The following SV2C variants were observed in gnomAD, a reference collection of about 807,000 sequenced individuals.
SV2C encodes the protein solute carrier family 22 member B3.
Under a neutral mutation model 79.7 loss-of-function variants are expected in SV2C, and 49 were observed. The ratio of observed to expected loss-of-function variants is 0.61; its 90% CI spans 0.49 to 0.78. SV2C has a LOEUF of 0.78. Among genes scored for constraint, SV2C ranks in the 30% least tolerant of loss-of-function variants. The pLI is 0.00. For synonymous variants in SV2C, 334 were observed against 333.2 expected (o/e 1.00, Z -0.03); for missense variants, 833 against 912.9 (o/e 0.91, Z 1.13).
At chr5:75,892,485 G>T in the SV2C span, among the ~76,000 whole-genome samples, 1 of 151,714 alleles carries the variant, frequency 6.6e-6, no homozygotes, top group African/African-American at 2.4e-5. Flanking sequence ...TTGTTACATG[G>T]GTATATTGCA....
At chr5:76,349,437 G>A (rs760951032) in intron 12 of SV2C, among the ~76,000 whole-genome samples, 6 of 151,516 alleles carry the variant, frequency 4.0e-5, no homozygotes, top group Non-Finnish European at 8.8e-5. Context: ...ACTTGAACCC[G>A]GGATGGGGAG....
chr5:76,215,457 C>T (rs1286981114), intron 4 of SV2C, among the ~76,000 whole-genome samples: 1 of 152,202 alleles, frequency 6.6e-6, no homozygotes, highest in African/African-American at 2.4e-5. Flanking sequence ...GTAACTTTGA[C>T]ATCTAGATAT....
chr5:75,988,080 A>G, the SV2C span, among the ~76,000 whole-genome samples: 2 of 152,038 alleles, frequency 1.3e-5, no homozygotes, highest in African/African-American at 4.8e-5. Flanking sequence ...GGTTATTTTC[A>G]TCCTCCCAGA....
chr5:76,109,314 ATG>A (rs1178361887), intron 1 of SV2C, among the ~76,000 whole-genome samples: 1 of 152,190 alleles, frequency 6.6e-6, no homozygotes, highest in African/African-American at 2.4e-5. Flanking sequence ...GCCATTTACT[ATG>A]TCCAATGAAC....
intron 4 of SV2C, among the ~76,000 whole-genome samples, chr5:76,271,125 A>G (rs1746838643): frequency 1.3e-5 from 2 of 152,036 alleles, no homozygotes; most frequent in Non-Finnish European, 2.9e-5. Context: ...GTCAAAAGGG[A>G]AAAAAAAGAA....
chr5:76,097,921 T>A (rs1747620388), intron 1 of SV2C, among the ~76,000 whole-genome samples: 1 of 152,026 alleles, frequency 6.6e-6, no homozygotes, highest in Non-Finnish European at 1.5e-5. Flanking sequence ...AGATGGGTGA[T>A]CTGGAGAAAA....
chr5:75,897,950 A>G, the SV2C span, among the ~76,000 whole-genome samples: 1 of 151,824 alleles, frequency 6.6e-6, no homozygotes, highest in Non-Finnish European at 1.5e-5. Context: ...GTTGCTTATC[A>G]GTTTAAGTAG....
intron 4 of SV2C, among the ~76,000 whole-genome samples, chr5:76,239,232 C>G (rs1360394121): frequency 1.3e-5 from 2 of 152,032 alleles, no homozygotes; most frequent in Non-Finnish European, 2.9e-5. Flanking sequence ...TGTTCTTGTT[C>G]TTTATTCCTT....
At chr5:76,085,048 C>A (rs1341207331) in intron 1 of SV2C, among the ~76,000 whole-genome samples, 1 of 152,242 alleles carries the variant, frequency 6.6e-6, no homozygotes, top group Non-Finnish European at 1.5e-5. Context: ...TGAACCTAAT[C>A]CCTTCATACT....
intron 2 of SV2C, among the ~76,000 whole-genome samples, chr5:76,194,020 CT>C (rs1744188709): frequency 6.6e-6 from 1 of 152,132 alleles, no homozygotes; most frequent in African/African-American, 2.4e-5. Context: ...GACAGCTTGT[CT>C]TTGTGTTACT....
the SV2C span, among the ~76,000 whole-genome samples, chr5:75,989,029 C>A: frequency 6.6e-6 from 1 of 151,872 alleles, no homozygotes; most frequent in Non-Finnish European, 1.5e-5. Flanking sequence ...ATTTATTGTT[C>A]TTTCTTAAAT....
At chr5:76,109,516 A>T (rs2112135769) in intron 1 of SV2C, among the ~76,000 whole-genome samples, 1 of 152,324 alleles carries the variant, frequency 6.6e-6, no homozygotes, top group Non-Finnish European at 1.5e-5. Context: ...CCGAAAAGAA[A>T]TGTTAAAGTC....
the SV2C span, chr5:75,920,765 G>C: frequency 3.8e-6 from 3 of 779,886 alleles, no homozygotes; most frequent in African/African-American, 1.7e-5. Flanking sequence ...TGGTCTCTTG[G>C]GTCCCGTTGG....
intron 4 of SV2C, among the ~76,000 whole-genome samples, chr5:76,273,146 G>GATATATATATATATATATATAT (rs369657969): frequency 4.6e-5 from 6 of 129,116 alleles, no homozygotes; most frequent in African/African-American, 1.7e-4. Flanking sequence ...TTACAAAAAA[G>GATATATATATATATATATATAT]ATATATATAT....
chr5:76,315,858 G>A (rs1185611253), intron 12 of SV2C, among the ~76,000 whole-genome samples: 1 of 152,188 alleles, frequency 6.6e-6, no homozygotes, highest in Non-Finnish European at 1.5e-5. Flanking sequence ...AGTGTGCAAA[G>A]CATACTTTGC....
At chr5:76,096,915 C>A (rs1374279186) in intron 1 of SV2C, among the ~76,000 whole-genome samples, 1 of 152,164 alleles carries the variant, frequency 6.6e-6, no homozygotes, top group South Asian at 2.1e-4. Flanking sequence ...ACCATTGACC[C>A]TCCTGGGTCT....
At chr5:76,154,910 T>C (rs1192086602) in intron 2 of SV2C, among the ~76,000 whole-genome samples, 2 of 152,170 alleles carry the variant, frequency 1.3e-5, no homozygotes, top group East Asian at 3.9e-4. Context: ...AAAGAGCAGG[T>C]AGTAGCACAA....
At chr5:76,163,959 G>A (rs763215392) in intron 2 of SV2C, among the ~76,000 whole-genome samples, 8 of 152,226 alleles carry the variant, frequency 5.3e-5, no homozygotes, top group Non-Finnish European at 1.2e-4. Flanking sequence ...TGATGTTGGA[G>A]CTTCCTGGCT....
Position 76,132,092 on chromosome 5 carries a change from C to T in SV2C, c.342C>T (p.Gly114=), listed in dbSNP as rs748087334. Residue 114 remains glycine (G), a synonymous_variant, in exon 2 of 13, where the codon GGC becomes GGT. Transcript: ENST00000502798. The part of the protein sequence containing the change: ...DSIVSVGQPK[G]DEYKDRRELE... Reference sequence around the variant, plus strand: ...TCGTGTCAGTGGGGCAGCCCAAGGGCGATGAGTACAAGGACCGGCGGGAGC... The same window carrying T: ...TCGTGTCAGTGGGGCAGCCCAAGGGTGATGAGTACAAGGACCGGCGGGAGC... The T allele has an allele frequency of 8.7e-6, 14 of 1,613,006 alleles. No individual in the cohort carries two copies. In the East Asian group the frequency reaches 2.5e-4, roughly 28 times the overall value.
Sources: allele counts gnomAD v4.1 joint callset (sites outside exome capture counted in the v4.1 genomes callset), GRCh38; gene constraint gnomAD v4.1.1; transcripts MANE v1.5; gene names NCBI Gene and HGNC (gene_info 2026-07-23, HGNC 2026-07-21).